Variants in NRG2 observed in about 807,000 individuals in gnomAD.
NRG2 encodes the protein pro-neuregulin-2, membrane-bound isoform.
NRG2 carries 27 observed loss-of-function variants against 73.9 expected under a neutral mutation model. That is an observed-to-expected ratio of 0.37 (90% CI 0.27 to 0.50). The LOEUF is 0.50. Among genes scored for constraint, NRG2 ranks in the 20% least tolerant of loss-of-function variants. The probability of loss-of-function intolerance (pLI) is 0.96; values close to 1 mark genes in which losing one functional copy is unlikely to be tolerated. For synonymous variants in NRG2, 532 were observed against 541.0 expected (o/e 0.98, Z 0.23); for missense variants, 1,126 against 1,210.1 (o/e 0.93, Z 1.03).
chr5:139,964,141 T>C (rs1755293154), intron 1 of NRG2, among the ~76,000 whole-genome samples: 1 of 152,128 alleles, frequency 6.6e-6, no homozygotes, highest in South Asian at 2.1e-4. Context: ...TTTAGGGTCT[T>C]CTCTTCCTTT....
intron 3 of NRG2, among the ~76,000 whole-genome samples, chr5:139,876,439 AC>A (rs1763179175): frequency 6.6e-6 from 1 of 152,144 alleles, no homozygotes; most frequent in Non-Finnish European, 1.5e-5. Flanking sequence ...TATACTAAAA[AC>A]CACTGAATTG....
At chr5:140,030,260 A>G (rs1761028078) in intron 1 of NRG2, among the ~76,000 whole-genome samples, 3 of 152,242 alleles carry the variant, frequency 2.0e-5, no homozygotes, top group African/African-American at 2.4e-5. Context: ...AAGGAAGCCC[A>G]TCAAACCCAC....
intron 1 of NRG2, among the ~76,000 whole-genome samples, chr5:139,987,367 C>CAAAAAAA (rs34895532): frequency 3.0e-5 from 1 of 33,238 alleles, no homozygotes; most frequent in Non-Finnish European, 5.7e-5. Flanking sequence ...GACTCTGTCT[C>CAAAAAAA]AAAAAAAAAA....
At chr5:139,889,647 C>G (rs1307309993) in intron 1 of NRG2, among the ~76,000 whole-genome samples, 1 of 152,184 alleles carries the variant, frequency 6.6e-6, no homozygotes, top group Non-Finnish European at 1.5e-5. Flanking sequence ...CATGCCCCCT[C>G]CCCCTTCCCA....
At position 140,010,284 on chromosome 5, in the gene NRG2, C is replaced by T. The variant is rs543208118; in HGVS notation, c.700+32086G>A. Among the ~76,000 whole-genome samples, 67 of 151,080 alleles carry T rather than the reference C, an allele frequency of 4.4e-4. 2 individuals are homozygous for T. In the South Asian group the frequency reaches 0.013, roughly 29 times the overall value. The stretch of plus-strand genomic sequence containing the variant: ...CTGCACTCCAGCCTGAGTGACACAG[C>T]GAGACTGTCTCAAAAAAAAAATAAA... On this transcript the variant is annotated intron_variant, in intron 1 of 9. Coordinates refer to ENST00000361474, the MANE Select transcript of NRG2 (RefSeq NM_004883.3).
chr5:139,890,111 C>A (rs1561658752), intron 1 of NRG2, among the ~76,000 whole-genome samples: 1 of 152,164 alleles, frequency 6.6e-6, no homozygotes, highest in East Asian at 1.9e-4. Flanking sequence ...AATGACAGTG[C>A]CTGTTTTTTC....
intron 1 of NRG2, among the ~76,000 whole-genome samples, chr5:139,984,701 T>A (rs561289536): frequency 5.5e-4 from 83 of 152,246 alleles, no homozygotes; most frequent in Admixed American, 9.8e-4. Flanking sequence ...ACAGCCACTG[T>A]CAGTATTTAG....
At position 139,851,997 on chromosome 5, in the gene NRG2, A is replaced by G. The variant is rs935009900; in HGVS notation, c.1545-166T>C. Among the ~76,000 whole-genome samples, 4 of 152,144 alleles carry G rather than the reference A, an allele frequency of 2.6e-5. No homozygotes were observed. Among genetic ancestry groups the G allele is most frequent in the Non-Finnish European group, 4.4e-5 (3 of 68,002 alleles). ...GTATTGTTGCAAATGCCCAACCCCAATATTGGAAGAAGGAGGGCTGGGGTC... is the reference window on the plus strand; with the variant it reads ...GTATTGTTGCAAATGCCCAACCCCAGTATTGGAAGAAGGAGGGCTGGGGTC... On this transcript the variant is annotated intron_variant, in intron 8 of 9. Transcript: ENST00000361474. This position sits in a 1 kb window ranked among gnomAD's most constrained non-coding sequence, Gnocchi z 4.2.
intron 1 of NRG2, among the ~76,000 whole-genome samples, chr5:139,942,464 T>C (rs1753473492): frequency 6.6e-6 from 1 of 152,258 alleles, no homozygotes; most frequent in South Asian, 2.1e-4. Context: ...CAGGTTGTAC[T>C]GAGTTAGTGT....
rs1356050698 is a variant in NRG2, at chr5:139,847,962, G to A, written c.2508C>T (p.Ser836=). Residue 836 remains serine, a synonymous_variant, in exon 10 of 10, where the codon AGC becomes AGT. Coordinates refer to ENST00000361474, the MANE Select transcript of NRG2 (RefSeq NM_004883.3). The part of the protein sequence containing the change: ...SHSTRASSRH[S]RGPPPRAKQD... ...GCTTGGCCCGCGGGGGCGGCCCGCG[G>A]CTGTGTCTGCTGCTGGCCCGCGTGC... The A allele has an allele frequency of 4.0e-6, 6 of 1,509,994 alleles. No individual in the cohort carries two copies. The East Asian group carries it at 1.1e-4, about 27-fold the overall frequency. 93.5% of individuals were successfully genotyped at this position (1,509,994 alleles called of 1,614,324 possible). A position where few individuals can be genotyped will look rare whatever the true frequency, so the allele number is the denominator to read the frequency against.
chr5:140,037,543 T>C (rs975182935), intron 1 of NRG2, among the ~76,000 whole-genome samples: 8 of 152,178 alleles, frequency 5.3e-5, no homozygotes, highest in Non-Finnish European at 1.0e-4. Context: ...AAATATGTAT[T>C]ACCTGGGAAG....
At chr5:139,891,095 C>T (rs905322534) in intron 1 of NRG2, among the ~76,000 whole-genome samples, 2 of 152,200 alleles carry the variant, frequency 1.3e-5, no homozygotes, top group Non-Finnish European at 2.9e-5. Context: ...CTGTCTCCAC[C>T]ATCATGAGCC....
chr5:139,995,030 T>A (rs1231673242), intron 1 of NRG2, among the ~76,000 whole-genome samples: 1 of 152,050 alleles, frequency 6.6e-6, no homozygotes, highest in Non-Finnish European at 1.5e-5. Context: ...TGAGGAGAGA[T>A]AAAAGGTTTT....
intron 1 of NRG2, among the ~76,000 whole-genome samples, chr5:139,939,799 C>CA (rs1316653521): frequency 1.3e-5 from 2 of 151,706 alleles, no homozygotes; most frequent in Non-Finnish European, 2.9e-5. Context: ...AAAGTCCATT[C>CA]AAAAAAATGG....
intron 5 of NRG2, among the ~76,000 whole-genome samples, chr5:139,858,516 G>A (rs186437838): frequency 2.0e-5 from 3 of 152,318 alleles, no homozygotes; most frequent in African/African-American, 7.2e-5. Context: ...ACCTGTGAAT[G>A]TGAGCCCAGG....
intron 5 of NRG2, among the ~76,000 whole-genome samples, chr5:139,859,730 A>G (rs943590679): frequency 6.6e-6 from 1 of 152,120 alleles, no homozygotes; most frequent in African/African-American, 2.4e-5. Flanking sequence ...AAATCAACGT[A>G]GTTTATGATA....
At chr5:139,949,892 G>T (rs1415280136) in intron 1 of NRG2, among the ~76,000 whole-genome samples, 1 of 152,192 alleles carries the variant, frequency 6.6e-6, no homozygotes, top group South Asian at 2.1e-4. Flanking sequence ...TTGGCAGGGG[G>T]CCTGGTCATG....
At chr5:140,005,120 C>G (rs1309602200) in intron 1 of NRG2, among the ~76,000 whole-genome samples, 2 of 152,142 alleles carry the variant, frequency 1.3e-5, no homozygotes, top group African/African-American at 2.4e-5. Context: ...CCCACCTCCC[C>G]TAAAAAATGT....
intron 1 of NRG2, among the ~76,000 whole-genome samples, chr5:139,958,907 T>C (rs151136579): frequency 9.7e-4 from 147 of 152,284 alleles, no homozygotes; most frequent in Non-Finnish European, 1.7e-3. Flanking sequence ...ATTCCACAGA[T>C]GAGGAAACCG....
Sources: allele counts gnomAD v4.1 joint callset (sites outside exome capture counted in the v4.1 genomes callset), GRCh38; gene constraint gnomAD v4.1.1; non-coding constraint Gnocchi (gnomAD v3.1); transcripts MANE v1.5; gene names NCBI Gene and HGNC (gene_info 2026-07-23, HGNC 2026-07-21).